CHD9: variants seen among roughly 807,000 people sequenced by gnomAD.
The protein encoded by CHD9 is ATP-dependent chromatin remodeler CHD9.
Under a neutral mutation model 316.1 loss-of-function variants are expected in CHD9, and 77 were observed. That is an observed-to-expected ratio of 0.24 (90% CI 0.20 to 0.29). The LOEUF (loss-of-function observed/expected upper bound fraction) is 0.29. Among genes scored for constraint, CHD9 ranks in the 10% least tolerant of loss-of-function variants. The pLI is 1.00. For missense variants in CHD9, 2,763 were observed against 3,438.1 expected, an observed-to-expected ratio of 0.80 and a Z score of 4.91; for synonymous variants, 1,129 against 1,158.3, an observed-to-expected ratio of 0.97 and a Z score of 0.51.
At chr16:53,228,707 A>G (rs1019286457) in intron 7 of CHD9, among the ~76,000 whole-genome samples, 4 of 152,298 alleles carry the variant, frequency 2.6e-5, no homozygotes, top group Admixed American at 2.6e-4. Flanking sequence ...TAGGGAAATA[A>G]TAATAGATAA....
At chr16:53,057,168 A>T (rs1314487140) in intron 1 of CHD9, among the ~76,000 whole-genome samples, 1 of 151,894 alleles carries the variant, frequency 6.6e-6, no homozygotes, top group Non-Finnish European at 1.5e-5. Context: ...TTATATAATT[A>T]AAGAATTTTT....
At chr16:53,240,519 TA>T (rs2049002314) in intron 12 of CHD9, among the ~76,000 whole-genome samples, 1 of 152,098 alleles carries the variant, frequency 6.6e-6, no homozygotes, top group African/African-American at 2.4e-5. Flanking sequence ...TTTCAAAAGA[TA>T]AAGATGTCTC....
chr16:53,082,433 G>A (rs2035109411), intron 1 of CHD9, among the ~76,000 whole-genome samples: 1 of 152,012 alleles, frequency 6.6e-6, no homozygotes, highest in African/African-American at 2.4e-5. Context: ...TAAAGACAGG[G>A]TTTCATCATG....
At chr16:53,117,989 C>T (rs11647604) in intron 1 of CHD9, among the ~76,000 whole-genome samples, 41,582 of 151,796 alleles carry the variant, frequency 0.27, 7,075 homozygotes, top group Non-Finnish European at 0.38. Context: ...CCACGCCCAG[C>T]TAATTTTTTT....
chr16:53,204,770 GTT>G, intron 2 of CHD9, among the ~76,000 whole-genome samples: 1 of 151,688 alleles, frequency 6.6e-6, no homozygotes, highest in Non-Finnish European at 1.5e-5. Flanking sequence ...TGTACTATAG[GTT>G]TTCTTTTTTA....
intron 1 of CHD9, among the ~76,000 whole-genome samples, chr16:53,090,296 T>A (rs1596947197): frequency 6.6e-6 from 1 of 152,190 alleles, no homozygotes; most frequent in South Asian, 2.1e-4. Flanking sequence ...TGACCGAGCC[T>A]GGGAGAAGGA....
chr16:53,317,941 C>T (rs2057001749), intron 36 of CHD9, among the ~76,000 whole-genome samples: 1 of 151,948 alleles, frequency 6.6e-6, no homozygotes, highest in Non-Finnish European at 1.5e-5. Context: ...CCTGTAGTCC[C>T]AGCTACTTGA....
chr16:53,121,977 A>G (rs2038760659), intron 1 of CHD9: 1 of 152,274 alleles, frequency 6.6e-6, no homozygotes, highest in African/African-American at 2.4e-5. Context: ...ATTAGTGCTG[A>G]GAGACAAAAA....
chr16:53,114,062 A>G (rs947705140), intron 1 of CHD9, among the ~76,000 whole-genome samples: 1 of 152,004 alleles, frequency 6.6e-6, no homozygotes, highest in African/African-American at 2.4e-5. Context: ...TTGAGAAAAA[A>G]ATCAATAACT....
At chr16:53,134,038 GA>G (rs992312084) in intron 1 of CHD9, among the ~76,000 whole-genome samples, 1 of 151,574 alleles carries the variant, frequency 6.6e-6, no homozygotes, top group Non-Finnish European at 1.5e-5. Flanking sequence ...AAATGTCATA[GA>G]AAAAAAAGCT....
chr16:53,076,717 G>A (rs1042119839), intron 1 of CHD9, among the ~76,000 whole-genome samples: 1 of 151,896 alleles, frequency 6.6e-6, no homozygotes, highest in Non-Finnish European at 1.5e-5. Flanking sequence ...AGGTTGCAGT[G>A]AGCTGAGATC....
chr16:53,117,706 G>A (rs1191554746), intron 1 of CHD9, among the ~76,000 whole-genome samples: 1 of 151,648 alleles, frequency 6.6e-6, no homozygotes, highest in Non-Finnish European at 1.5e-5. Flanking sequence ...GTAAGCCATT[G>A]CACCCGGCCT....
At chr16:53,219,420 C>A (rs1238190265) in intron 3 of CHD9, among the ~76,000 whole-genome samples, 1 of 152,082 alleles carries the variant, frequency 6.6e-6, no homozygotes, top group East Asian at 1.9e-4. Context: ...CGGCTGAAGA[C>A]AGAACTTTGA....
chr16:53,295,236 C>T (rs2054671412), intron 29 of CHD9, among the ~76,000 whole-genome samples: 1 of 152,214 alleles, frequency 6.6e-6, no homozygotes, highest in South Asian at 2.1e-4. Flanking sequence ...AAGCAATTCT[C>T]CTGCCTTGGC....
chr16:53,116,505 A>G (rs1217387121), intron 1 of CHD9, among the ~76,000 whole-genome samples: 5 of 152,230 alleles, frequency 3.3e-5, no homozygotes, highest in Non-Finnish European at 7.3e-5. Flanking sequence ...CTAGTCAATA[A>G]TTATTGATTA....
chr16:53,259,317 T>C (rs1197664664), intron 19 of CHD9, among the ~76,000 whole-genome samples: 1 of 152,202 alleles, frequency 6.6e-6, no homozygotes, highest in African/African-American at 2.4e-5. Flanking sequence ...AATTCTGAAA[T>C]TTAATTTCTT....
At chr16:53,066,717 C>T (rs2033557448) in intron 1 of CHD9, among the ~76,000 whole-genome samples, 1 of 152,236 alleles carries the variant, frequency 6.6e-6, no homozygotes, top group African/African-American at 2.4e-5. Context: ...GCTGTGTCCG[C>T]TCCTTCTCTT....
At chr16:53,128,473 C>T (rs1414539929) in intron 1 of CHD9, among the ~76,000 whole-genome samples, 3 of 151,948 alleles carry the variant, frequency 2.0e-5, no homozygotes, top group African/African-American at 7.3e-5. Flanking sequence ...TGAGCCACCA[C>T]GCCTGGCCCG....
chr16:53,209,495 A>C lies in CHD9; in HGVS notation c.1466A>C (p.Lys489Thr). Residue 489 changes from lysine to threonine, a missense_variant, in exon 3 of 39, where the codon AAG (lysine) becomes ACG (threonine). Lys to Thr is a moderately conservative substitution (Grantham distance 78). Coordinates refer to ENST00000447540, the MANE Select transcript of CHD9 (RefSeq NM_001308319.2). ...TTGTTTCTGTAGCCTCCATCTTCCA[A>C]GAAGAGCGATGGTTCTGGGACATAT... ...LCLQRQPPSS[K>T]KSDGSGTYTK... is the part of the protein sequence containing the mutation. The C allele has an allele frequency of 6.2e-7, 1 of 1,601,168 alleles. No individual in the cohort carries two copies. The highest frequency in any genetic ancestry group is 8.5e-7 in the Non-Finnish European group (1 of 1,174,168).
Sources: gnomAD v4.1 joint callset for allele counts (sites outside exome capture counted in the v4.1 genomes callset) on GRCh38, gnomAD v4.1.1 for gene constraint, MANE v1.5 for transcripts, NCBI Gene and HGNC (gene_info 2026-07-23, HGNC 2026-07-21) for gene names.